ROR1: variants seen among roughly 807,000 people sequenced by gnomAD.
ROR1 encodes ROR family WNT receptor 1.
Under a neutral mutation model 78.8 loss-of-function variants are expected in ROR1, and 19 were observed. The ratio of observed to expected loss-of-function variants is 0.24; its 90% CI spans 0.17 to 0.35. The LOEUF is 0.35. Ranked by LOEUF, ROR1 falls within the 10% of genes least tolerant of loss-of-function variation. The pLI, the probability that ROR1 is intolerant of heterozygous loss-of-function variation, is 1.00. For synonymous variants in ROR1, 386 were observed against 433.6 expected (o/e 0.89, Z 1.36); for missense variants, 917 against 1,177.8 (o/e 0.78, Z 3.24).
intron 1 of ROR1, among the ~76,000 whole-genome samples, chr1:63,828,655 A>T (rs1644969382): frequency 6.6e-6 from 1 of 152,224 alleles, no homozygotes; most frequent in Non-Finnish European, 1.5e-5. Context: ...TGATTCCAGC[A>T]TATTTAAACC....
chr1:64,105,250 A>G (rs1449617235), intron 4 of ROR1: 2 of 152,172 alleles, frequency 1.3e-5, no homozygotes, highest in African/African-American at 2.4e-5. Flanking sequence ...GGCCATGTAA[A>G]TGTCTTCTTT....
At chr1:63,993,311 T>G (rs987067133) in intron 1 of ROR1, among the ~76,000 whole-genome samples, 2 of 152,180 alleles carry the variant, frequency 1.3e-5, no homozygotes, top group Admixed American at 1.3e-4. Flanking sequence ...CAGAGGAATC[T>G]TTGAGAATTG....
chr1:64,057,477 G>C (rs1044302362), intron 4 of ROR1, among the ~76,000 whole-genome samples: 2 of 152,170 alleles, frequency 1.3e-5, no homozygotes, highest in African/African-American at 4.8e-5. Flanking sequence ...ATATTACAAA[G>C]AATTTGCTAA....
rs570593007 is a variant in ROR1, at chr1:63,868,130, T to TTTG, written c.91+93640_91+93642dup. On this transcript the variant is annotated intron_variant, in intron 1 of 8. Coordinates refer to ENST00000371079, the MANE Select transcript of ROR1 (RefSeq NM_005012.4). Reference sequence around the variant, plus strand: ...GATTCAGAGAAATACTAGCGCAGTTTTTGTTGTTGTTGTTGTTGTTTTGTT... The same window carrying TTTG: ...GATTCAGAGAAATACTAGCGCAGTTTTTGTTGTTGTTGTTGTTGTTGTTTTGTT... Among the ~76,000 whole-genome samples the TTTG allele has an allele frequency of 2.0e-5, 3 of 152,132 alleles. 1 individual carries two copies. The highest frequency in any genetic ancestry group is 2.1e-4 in the South Asian group (1 of 4,732).
intron 8 of ROR1, among the ~76,000 whole-genome samples, chr1:64,167,016 G>A (rs570287374): frequency 3.9e-5 from 6 of 152,304 alleles, no homozygotes; most frequent in African/African-American, 1.2e-4. Flanking sequence ...ACTAATTTAA[G>A]TCTGATTTTT....
chr1:63,965,441 A>G (rs907933765), intron 1 of ROR1, among the ~76,000 whole-genome samples: 4 of 152,198 alleles, frequency 2.6e-5, no homozygotes, highest in Admixed American at 6.5e-5. Context: ...TCTGCATTTA[A>G]CATCTCCCCA....
chr1:63,989,239 C>T (rs913612635), intron 1 of ROR1, among the ~76,000 whole-genome samples: 7 of 150,178 alleles, frequency 4.7e-5, no homozygotes, highest in African/African-American at 1.5e-4. Flanking sequence ...GGCTCAGCCA[C>T]ATACTAGGTG....
chr1:63,828,635 G>C (rs1388472629), intron 1 of ROR1, among the ~76,000 whole-genome samples: 1 of 152,128 alleles, frequency 6.6e-6, no homozygotes, highest in Admixed American at 6.5e-5. Flanking sequence ...TTATTTCAGA[G>C]CATGTTATTT....
chr1:63,933,933 G>A (rs1645774103), intron 1 of ROR1, among the ~76,000 whole-genome samples: 5 of 152,202 alleles, frequency 3.3e-5, no homozygotes, highest in Admixed American at 3.3e-4. Flanking sequence ...ATGAGCCACA[G>A]TGAATAAGGA....
chr1:63,856,472 C>A (rs1470619366), intron 1 of ROR1, among the ~76,000 whole-genome samples: 1 of 152,210 alleles, frequency 6.6e-6, no homozygotes, highest in South Asian at 2.1e-4. Context: ...CTGATCAGCA[C>A]TCTGCTGAAT....
chr1:63,798,249 G>A (rs1162038635), intron 1 of ROR1, among the ~76,000 whole-genome samples: 1 of 152,146 alleles, frequency 6.6e-6, no homozygotes, highest in Non-Finnish European at 1.5e-5. Context: ...CCACATTGGA[G>A]CCCCCTGGTT....
At chr1:64,046,316 A>G (rs1646782933) in intron 2 of ROR1, among the ~76,000 whole-genome samples, 1 of 152,154 alleles carries the variant, frequency 6.6e-6, no homozygotes, top group Non-Finnish European at 1.5e-5. Flanking sequence ...CTAAGTAAGC[A>G]GCTACAGATG....
At chr1:63,953,030 G>C (rs1645953287) in intron 1 of ROR1, among the ~76,000 whole-genome samples, 1 of 152,092 alleles carries the variant, frequency 6.6e-6, no homozygotes, top group South Asian at 2.1e-4. Flanking sequence ...GCTCTGTCCT[G>C]GGAGAATGAA....
chr1:63,788,904 T>C (rs1644707987), intron 1 of ROR1: 6 of 882,816 alleles, frequency 6.8e-6, no homozygotes, highest in African/African-American at 6.7e-5. Context: ...GAATCGCTTG[T>C]TTTTGAACAC....
At chr1:64,137,931 T>A (rs1283240495) in intron 5 of ROR1, among the ~76,000 whole-genome samples, 1 of 152,134 alleles carries the variant, frequency 6.6e-6, no homozygotes, top group East Asian at 1.9e-4. Context: ...ACAGTGAACT[T>A]TGGGGAAATC....
At chr1:63,955,671 C>T (rs984569160) in intron 1 of ROR1, among the ~76,000 whole-genome samples, 1 of 152,122 alleles carries the variant, frequency 6.6e-6, no homozygotes. Flanking sequence ...ATTTATCCCC[C>T]AGGACCAGAA....
chr1:63,818,151 T>C (rs1446998584), intron 1 of ROR1, among the ~76,000 whole-genome samples: 1 of 152,202 alleles, frequency 6.6e-6, no homozygotes, highest in Non-Finnish European at 1.5e-5. Context: ...AGAACCCAGT[T>C]CTGTTCCTTG....
At chr1:63,901,362 G>A (rs954197970) in intron 1 of ROR1, among the ~76,000 whole-genome samples, 2 of 152,056 alleles carry the variant, frequency 1.3e-5, no homozygotes, top group African/African-American at 4.8e-5. Flanking sequence ...CTTGGGAGTT[G>A]TTGTCCGGTT....
chr1:64,092,167 T>C (rs1647204708), intron 4 of ROR1, among the ~76,000 whole-genome samples: 1 of 143,114 alleles, frequency 7.0e-6, no homozygotes, highest in South Asian at 2.6e-4. Context: ...CTTCTTCCAT[T>C]CCTTCCTTCC....
Sources: allele counts gnomAD v4.1 joint callset (sites outside exome capture counted in the v4.1 genomes callset), GRCh38; gene constraint gnomAD v4.1.1; transcripts MANE v1.5; gene names NCBI Gene and HGNC (gene_info 2026-07-23, HGNC 2026-07-21).